The following ZBTB7C variants were observed in gnomAD, a reference collection of about 807,000 sequenced individuals.
The protein encoded by ZBTB7C is zinc finger and BTB domain containing 7C.
Under a neutral mutation model 25.7 loss-of-function variants are expected in ZBTB7C, and 8 were observed. The observed-to-expected ratio is 0.31, with a 90% CI of 0.18 to 0.56. The LOEUF is 0.56. Ranked by LOEUF, ZBTB7C falls within the 20% of genes least tolerant of loss-of-function variation. ZBTB7C has a pLI of 0.91. For missense variants in ZBTB7C, 824 were observed against 855.2 expected (o/e 0.96, Z 0.46); for synonymous variants, 394 against 369.0 (o/e 1.07, Z -0.78).
rs191317539 is a variant in ZBTB7C, at chr18:48,212,573, T to A, written c.-78-26578A>T. 2.3e-4 allele frequency among the ~76,000 whole-genome samples: 35 copies of A among 152,164 alleles called. No homozygotes were observed. In the East Asian group the frequency reaches 5.6e-3, roughly 24 times the overall value. ...GGGGGATGTCAATAATGTGGGAGGC[T>A]GTGCATGAATGGGGGCAGGGGGTAT... On this transcript the variant is annotated intron_variant, in intron 2 of 4. Coordinates refer to ENST00000590800, the MANE Select transcript of ZBTB7C (RefSeq NM_001318841.2).
chr18:48,103,466 T>A (rs2038922943), intron 3 of ZBTB7C, among the ~76,000 whole-genome samples: 1 of 152,058 alleles, frequency 6.6e-6, no homozygotes, highest in African/African-American at 2.4e-5. Context: ...TTTGAATCCA[T>A]CCCCAGCAAC....
intron 2 of ZBTB7C, among the ~76,000 whole-genome samples, chr18:48,238,868 T>G (rs1328055442): frequency 2.0e-5 from 3 of 152,164 alleles, no homozygotes; most frequent in East Asian, 1.9e-4. Flanking sequence ...CCTTCCTGCT[T>G]TCTCAGCAGG....
intron 2 of ZBTB7C, among the ~76,000 whole-genome samples, chr18:48,253,825 T>C (rs2043940340): frequency 6.6e-6 from 1 of 152,228 alleles, no homozygotes; most frequent in African/African-American, 2.4e-5. Flanking sequence ...AATACAGTTA[T>C]AATTAAGCAT....
At chr18:48,367,179 A>T (rs1253367657) in intron 1 of ZBTB7C, among the ~76,000 whole-genome samples, 1 of 19,620 alleles carries the variant, frequency 5.1e-5, no homozygotes, top group Non-Finnish European at 9.6e-5. Flanking sequence ...CAAGTTTTAT[A>T]TATATATATA....
In ZBTB7C at chr18:48,027,371, T is replaced by A. The variant is rs533423205; in HGVS notation, c.*1889A>T. ...ATTTATTCATGTTTCCTTTTTTTTT[T>A]TTTTTCCTCTCTTTTAAAGTCTGGT... On this transcript the variant is annotated 3_prime_UTR_variant, in exon 5 of 5. Coordinates refer to ENST00000590800, the MANE Select transcript of ZBTB7C (RefSeq NM_001318841.2). 1 of 151,860 alleles carries A rather than the reference T, an allele frequency of 6.6e-6. No homozygotes were observed. The highest frequency in any genetic ancestry group is 1.5e-5 in the Non-Finnish European group (1 of 67,930). The allele number at this position is 151,860 out of a possible 1,614,324, so 9.4% of individuals were successfully genotyped here. A position where few individuals can be genotyped will look rare whatever the true frequency, so the allele number is the denominator to read the frequency against.
intron 3 of ZBTB7C, among the ~76,000 whole-genome samples, chr18:48,157,747 A>G (rs965597837): frequency 6.6e-6 from 1 of 152,168 alleles, no homozygotes; most frequent in Non-Finnish European, 1.5e-5. Context: ...ACCTGAGCTA[A>G]TATCTGTAAA....
chr18:48,133,215 G>A (rs1250377535), intron 3 of ZBTB7C, among the ~76,000 whole-genome samples: 1 of 152,208 alleles, frequency 6.6e-6, no homozygotes, highest in Non-Finnish European at 1.5e-5. Flanking sequence ...ATCCCATGGG[G>A]GGAACCTCCT....
rs971797447 is a variant in ZBTB7C, at chr18:48,026,943, C to A, written c.*2317G>T. On this transcript the variant is annotated 3_prime_UTR_variant, in exon 5 of 5. Transcript: ENST00000590800. ...CAGAAAATTAGCTGAGAGTTTTTCT[C>A]GGCGGGATGTGGCGTGCGACCGAAG... is the stretch of plus-strand genomic sequence containing the variant. 4 of 151,728 alleles carry A rather than the reference C, an allele frequency of 2.6e-5. No homozygotes were observed. The highest frequency in any genetic ancestry group is 9.7e-5 in the African/African-American group (4 of 41,292). 9.4% of individuals were successfully genotyped at this position (151,728 alleles called of 1,614,324 possible).
chr18:48,246,439 T>A lies in ZBTB7C; in HGVS notation c.-78-60444A>T, dbSNP rs537898674. Among the ~76,000 whole-genome samples the A allele has an allele frequency of 4.1e-3, 616 of 150,058 alleles. 2 individuals carry two copies. The highest frequency in any genetic ancestry group is 0.014 in the African/African-American group (559 of 40,900). On this transcript the variant is annotated intron_variant, in intron 2 of 4. Coordinates refer to ENST00000590800, the MANE Select transcript of ZBTB7C (RefSeq NM_001318841.2). ...AGCGAGACTCTGTCTCAAAAAAAAA[T>A]AAATAATAAAATAATAATAATAATA...
At chr18:48,061,272 C>A (rs906226216) in intron 3 of ZBTB7C, among the ~76,000 whole-genome samples, 1 of 152,204 alleles carries the variant, frequency 6.6e-6, no homozygotes, top group African/African-American at 2.4e-5. Context: ...AAGGCTGGAT[C>A]ATTTACACAT....
chr18:48,117,354 C>G (rs987349789), intron 3 of ZBTB7C, among the ~76,000 whole-genome samples: 2 of 152,152 alleles, frequency 1.3e-5, no homozygotes, highest in Admixed American at 6.5e-5. Flanking sequence ...AACTGAGAGA[C>G]AAGTGGAAGT....
intron 3 of ZBTB7C, among the ~76,000 whole-genome samples, chr18:48,101,354 C>T (rs1457977961): frequency 3.3e-5 from 5 of 152,178 alleles, no homozygotes; most frequent in Non-Finnish European, 5.9e-5. Flanking sequence ...AGCAGTCACA[C>T]TTAATAGTCA....
intron 3 of ZBTB7C, among the ~76,000 whole-genome samples, chr18:48,145,064 G>A (rs987489479): frequency 9.9e-5 from 15 of 152,238 alleles, no homozygotes; most frequent in Non-Finnish European, 2.2e-4. Context: ...CAGGCAAACC[G>A]AGACTGGGTT....
intron 3 of ZBTB7C, among the ~76,000 whole-genome samples, chr18:48,105,318 G>A (rs1460462581): frequency 6.6e-6 from 1 of 152,200 alleles, no homozygotes; most frequent in Non-Finnish European, 1.5e-5. Flanking sequence ...GATATACTTT[G>A]ACTGAATTGA....
chr18:48,038,725 G>A (rs560628918), intron 4 of ZBTB7C, among the ~76,000 whole-genome samples: 5 of 152,218 alleles, frequency 3.3e-5, no homozygotes, highest in East Asian at 1.9e-4. Flanking sequence ...CAGCAGCACC[G>A]CCACCGGAAC....
At chr18:48,222,526 G>A (rs1381331105) in intron 2 of ZBTB7C, among the ~76,000 whole-genome samples, 1 of 152,152 alleles carries the variant, frequency 6.6e-6, no homozygotes, top group African/African-American at 2.4e-5. Context: ...TTTTAAAGTA[G>A]TGCTTTCATC....
intron 1 of ZBTB7C, chr18:48,350,660 A>G (rs987570149): frequency 3.5e-5 from 4 of 113,910 alleles, no homozygotes; most frequent in Admixed American, 2.1e-4. Context: ...ATAGATTGAA[A>G]AGGTGCCCTT....
intron 3 of ZBTB7C, among the ~76,000 whole-genome samples, chr18:48,051,853 C>G (rs538065079): frequency 2.6e-5 from 4 of 151,864 alleles, no homozygotes; most frequent in Admixed American, 2.6e-4. Flanking sequence ...TGGAAGTCTG[C>G]GGCAGGCAAA....
intron 2 of ZBTB7C, among the ~76,000 whole-genome samples, chr18:48,268,337 T>C (rs537203135): frequency 6.6e-6 from 1 of 152,310 alleles, no homozygotes; most frequent in Admixed American, 6.5e-5. Flanking sequence ...GCTGTCACAT[T>C]AGGGGAGAGA....
Sources: gnomAD v4.1 joint callset for allele counts (sites outside exome capture counted in the v4.1 genomes callset) on GRCh38, gnomAD v4.1.1 for gene constraint, MANE v1.5 for transcripts, NCBI Gene and HGNC (gene_info 2026-07-23, HGNC 2026-07-21) for gene names.